Variants in SNRPD1 observed in about 807,000 individuals in gnomAD.
SNRPD1 encodes small nuclear ribonucleoprotein D1 polypeptide.
SNRPD1 carries 1 observed loss-of-function variant against 14.4 expected under a neutral mutation model. The observed-to-expected ratio is 0.07, with a 90% CI of 0.02 to 0.33. SNRPD1 has a LOEUF of 0.33. Ranked by LOEUF, SNRPD1 falls within the 10% of genes least tolerant of loss-of-function variation. The pLI is 1.00. For synonymous variants in SNRPD1, 42 were observed against 50.3 expected (o/e 0.83, Z 0.70); for missense variants, 52 against 146.4 (o/e 0.36, Z 3.33).
chr18:21,621,297 G>C lies in SNRPD1; in HGVS notation c.15-1428G>C, dbSNP rs139583710. On this transcript the variant is annotated intron_variant, in intron 1 of 3. Transcript: ENST00000300413. ...GGTGAGGGTTTGCATAATTGGGTTT[G>C]TAATGGGAAAAAATTGAACCAAAGT... is the stretch of plus-strand genomic sequence containing the variant. Among the ~76,000 whole-genome samples, 459 of 152,322 alleles carry C rather than the reference G, an allele frequency of 3.0e-3. 1 individual carries two copies. The highest frequency in any genetic ancestry group is 6.8e-3 in the Middle Eastern group (2 of 294).
In SNRPD1 at chr18:21,612,378, G is replaced by A. The variant is rs376241350; in HGVS notation, c.-52G>A. 25 of 1,484,180 alleles carry A rather than the reference G, an allele frequency of 1.7e-5. No individual in the cohort carries two copies. The highest frequency in any genetic ancestry group is 2.8e-5 in the African/African-American group (2 of 70,496). The allele number at this position is 1,484,180 out of a possible 1,614,324, so 91.9% of individuals were successfully genotyped here. ...TTCATACTGCAGTCGGTCAGTGTTC[G>A]GTTGAAGGATTCTGTGTGCTGTCGG... On this transcript the variant is annotated 5_prime_UTR_variant, in exon 1 of 4. Transcript: ENST00000300413.
chr18:21,618,293 G>T (rs1293674630), intron 1 of SNRPD1, among the ~76,000 whole-genome samples: 1 of 151,336 alleles, frequency 6.6e-6, no homozygotes, highest in Non-Finnish European at 1.5e-5. Flanking sequence ...TATTAGCCGG[G>T]CATGGTGGCA....
At chr18:21,628,211 CTCTACAAAAATTTTAAAAATTAGCCA>C (rs2039055003) in intron 3 of SNRPD1, among the ~76,000 whole-genome samples, 1 of 152,028 alleles carries the variant, frequency 6.6e-6, no homozygotes, top group African/African-American at 2.4e-5. Context: ...GAGACCTCAT[CTCTACAAAAATTTTAAAAATTAGCCA>C]GACATGATGG....
rs1465118315 is a variant in SNRPD1, at chr18:21,630,904, TATAA to T, written c.*1774_*1777del. 6.7e-6 allele frequency: 1 copy of T among 150,026 alleles called. No homozygotes were observed. Among genetic ancestry groups the T allele is most frequent in the East Asian group, 1.9e-4 (1 of 5,168 alleles). The allele number at this position is 150,026 out of a possible 1,614,324, so 9.3% of individuals were successfully genotyped here. ...TTAGATATATAAATGTATATATTGG[TATAA>T]ATAAATACTAGATATATATTTTTTT... On this transcript the variant is annotated 3_prime_UTR_variant, in exon 4 of 4. Coordinates refer to ENST00000300413, the MANE Select transcript of SNRPD1 (RefSeq NM_006938.4).
At chr18:21,623,336 C>T (rs552799611) in intron 2 of SNRPD1, among the ~76,000 whole-genome samples, 1 of 152,282 alleles carries the variant, frequency 6.6e-6, no homozygotes, top group African/African-American at 2.4e-5. Context: ...CATGATCCAT[C>T]TTAACAAAAG....
In SNRPD1 at chr18:21,631,764, A is replaced by G. The variant is rs918605034; in HGVS notation, c.*2626A>G. On this transcript the variant is annotated 3_prime_UTR_variant, in exon 4 of 4. Transcript: ENST00000300413. ...TTTCATTAATTAATAAGCTGGGGGA[A>G]TAAATAACTGGATTTCATTCTTTTC... The G allele has an allele frequency of 3.9e-5, 6 of 152,016 alleles. No homozygotes were observed. The highest frequency in any genetic ancestry group is 1.9e-4 in the East Asian group (1 of 5,180). 9.4% of individuals were successfully genotyped at this position (152,016 alleles called of 1,614,324 possible). A position where few individuals can be genotyped will look rare whatever the true frequency, so the allele number is the denominator to read the frequency against.
At chr18:21,620,591 C>T (rs1432724665) in intron 1 of SNRPD1, among the ~76,000 whole-genome samples, 1 of 152,054 alleles carries the variant, frequency 6.6e-6, no homozygotes, top group African/African-American at 2.4e-5. Flanking sequence ...AGATCAATTC[C>T]AAGTAGATTA....
intron 1 of SNRPD1, among the ~76,000 whole-genome samples, chr18:21,617,941 C>T (rs564616500): frequency 2.0e-5 from 3 of 152,082 alleles, no homozygotes; most frequent in South Asian, 4.1e-4. Context: ...ATTGAGATTG[C>T]GCTATTGCAC....
chr18:21,619,070 A>G (rs1032771666), intron 1 of SNRPD1, among the ~76,000 whole-genome samples: 13 of 152,160 alleles, frequency 8.5e-5, no homozygotes, highest in African/African-American at 2.9e-4. Flanking sequence ...TGTGGGGTTC[A>G]TTTTCTTAGA....
chr18:21,612,375 T>G lies in SNRPD1; in HGVS notation c.-55T>G. 1 of 1,467,190 alleles carries G rather than the reference T, an allele frequency of 6.8e-7. No homozygotes were observed. Among genetic ancestry groups the G allele is most frequent in the Admixed American group, 2.1e-5 (1 of 47,898 alleles). 90.9% of individuals were successfully genotyped at this position (1,467,190 alleles called of 1,614,324 possible). ...CCATTCATACTGCAGTCGGTCAGTG[T>G]TCGGTTGAAGGATTCTGTGTGCTGT... On this transcript the variant is annotated 5_prime_UTR_variant, in exon 1 of 4. Coordinates refer to ENST00000300413, the MANE Select transcript of SNRPD1 (RefSeq NM_006938.4).
chr18:21,612,732 T>TAAA (rs1363454456), intron 1 of SNRPD1, among the ~76,000 whole-genome samples: 2 of 152,386 alleles, frequency 1.3e-5, no homozygotes, highest in African/African-American at 2.4e-5. Flanking sequence ...CATCTCCCTC[T>TAAA]TACAGTTACT....
intron 3 of SNRPD1, among the ~76,000 whole-genome samples, chr18:21,628,789 A>T (rs2039058856): frequency 6.6e-6 from 1 of 152,186 alleles, no homozygotes. Context: ...AAGTATTTTT[A>T]AATTTGACAC....
intron 1 of SNRPD1, among the ~76,000 whole-genome samples, chr18:21,619,547 G>C (rs939913116): frequency 6.6e-6 from 1 of 151,556 alleles, no homozygotes; most frequent in Non-Finnish European, 1.5e-5. Flanking sequence ...CACTTTGGGA[G>C]GCCAAGGTGG....
chr18:21,631,606 T>G lies in SNRPD1; in HGVS notation c.*2468T>G, dbSNP rs1568127514. The stretch of plus-strand genomic sequence containing the variant: ...TGCCTGCCACCACACCCAGCTAATT[T>G]TTTGTCTTTTTAGTAGAGACGGGGT... On this transcript the variant is annotated 3_prime_UTR_variant, in exon 4 of 4. Transcript: ENST00000300413. The G allele has an allele frequency of 6.6e-6, 1 of 151,756 alleles. No individual in the cohort carries two copies. The highest frequency in any genetic ancestry group is 1.5e-5 in the Non-Finnish European group (1 of 68,064). The allele number at this position is 151,756 out of a possible 1,614,324, so 9.4% of individuals were successfully genotyped here. A position where few individuals can be genotyped will look rare whatever the true frequency, so the allele number is the denominator to read the frequency against.
rs2039078262 is a variant in SNRPD1 at position 21,630,895 on chromosome 18, A to G, written c.*1757A>G. 6.7e-6 allele frequency: 1 copy of G among 149,658 alleles called. No individual in the cohort carries two copies. 9.3% of individuals were successfully genotyped at this position (149,658 alleles called of 1,614,324 possible). A position where few individuals can be genotyped will look rare whatever the true frequency, so the allele number is the denominator to read the frequency against. ...TCATATATATTAGATATATAAATGT[A>G]TATATTGGTATAAATAAATACTAGA... On this transcript the variant is annotated 3_prime_UTR_variant, in exon 4 of 4. Transcript: ENST00000300413.
At chr18:21,618,449 T>A (rs1400667555) in intron 1 of SNRPD1, among the ~76,000 whole-genome samples, 1 of 148,538 alleles carries the variant, frequency 6.7e-6, no homozygotes, top group African/African-American at 2.6e-5. Context: ...CACATAAGGT[T>A]TTTTTTTTCC....
chr18:21,626,050 C>T (rs1301592420), intron 3 of SNRPD1, among the ~76,000 whole-genome samples: 1 of 152,082 alleles, frequency 6.6e-6, no homozygotes, highest in East Asian at 1.9e-4. Context: ...TTAACGTGTT[C>T]TAGACTTACA....
intron 2 of SNRPD1, among the ~76,000 whole-genome samples, chr18:21,623,089 G>T (rs1199586770): frequency 6.6e-6 from 1 of 151,702 alleles, no homozygotes; most frequent in Non-Finnish European, 1.5e-5. Flanking sequence ...ACCATGCCCG[G>T]GTAAATTTTT....
At chr18:21,625,452 G>A (rs2039030649) in intron 3 of SNRPD1, among the ~76,000 whole-genome samples, 1 of 151,128 alleles carries the variant, frequency 6.6e-6, no homozygotes, top group South Asian at 2.1e-4. Context: ...AAGTAGCTGG[G>A]ATTATAGGTG....
Sources: allele counts gnomAD v4.1 joint callset (sites outside exome capture counted in the v4.1 genomes callset), GRCh38; gene constraint gnomAD v4.1.1; transcripts MANE v1.5; gene names NCBI Gene and HGNC (gene_info 2026-07-23, HGNC 2026-07-21).